FAM76A: variants seen among roughly 807,000 people sequenced by gnomAD.
FAM76A encodes the protein protein FAM76A.
Under a neutral mutation model 46.2 loss-of-function variants are expected in FAM76A, and 32 were observed. The observed-to-expected ratio is 0.69, with a 90% CI of 0.52 to 0.93. FAM76A has a LOEUF of 0.93. Ranked by LOEUF, FAM76A falls within the 40% of genes least tolerant of loss-of-function variation. The pLI is 0.00. For synonymous variants in FAM76A, 137 were observed against 127.0 expected (o/e 1.08, Z -0.53); for missense variants, 274 against 361.5 (o/e 0.76, Z 1.96).
intron 8 of FAM76A, 132 bp downstream of exon 8, chr1:27,759,759 C>T: frequency 1.6e-6 from 1 of 630,194 alleles, no homozygotes; most frequent in South Asian, 2.2e-5. Flanking sequence ...GTTAATCCCC[C>T]TTTTAGGTTT....
intron 4 of FAM76A, chr1:27,740,441 G>A (rs2088131987): frequency 6.8e-7 from 1 of 1,473,414 alleles, no homozygotes; most frequent in Non-Finnish European, 9.5e-7. Flanking sequence ...TGAGGACCCA[G>A]TTCCCATCTT....
intron 4 of FAM76A, among the ~76,000 whole-genome samples, chr1:27,744,317 C>T (rs550142100): frequency 1.3e-4 from 20 of 152,112 alleles, no homozygotes; most frequent in African/African-American, 1.9e-4. Flanking sequence ...TTAGTAGAGA[C>T]GGGGTTTCAC....
At chr1:27,739,978 T>C in intron 4 of FAM76A, 1 of 293,802 alleles carries the variant, frequency 3.4e-6, no homozygotes, top group Non-Finnish European at 6.7e-6. Flanking sequence ...CAAGATTGGC[T>C]CGCCCATCCT....
intron 6 of FAM76A, among the ~76,000 whole-genome samples, chr1:27,750,514 G>T (rs2088313902): frequency 6.6e-6 from 1 of 152,184 alleles, no homozygotes; most frequent in Non-Finnish European, 1.5e-5. Flanking sequence ...TTCAAGGAAT[G>T]AACTTTTTGA....
chr1:27,759,978 G>A (rs904529908), intron 8 of FAM76A: 4 of 458,132 alleles, frequency 8.7e-6, no homozygotes, highest in African/African-American at 8.0e-5. Context: ...TCGCTATATT[G>A]CCTGGGCTAG....
intron 4 of FAM76A, among the ~76,000 whole-genome samples, chr1:27,737,868 C>CAAAAAAAAAAAAAAAAAAAAAAAAAAG (rs71571865): frequency 1.6e-5 from 1 of 62,704 alleles, no homozygotes; most frequent in Non-Finnish European, 3.3e-5. Context: ...ACAACAACAA[C>CAAAAAAAAAAAAAAAAAAAAAAAAAAG]AAAAAAAAAA....
rs117500972 is a variant in FAM76A at position 27,726,932 on chromosome 1, C to T, written c.82-540C>T. ...GGCTGAAGAATAATGTTGAGGTTATCCAATAATCCAGTTTGTGTCTCTGAT... is the reference window on the plus strand; with the variant it reads ...GGCTGAAGAATAATGTTGAGGTTATTCAATAATCCAGTTTGTGTCTCTGAT... On this transcript the variant is annotated intron_variant, in intron 1 of 8. Transcript: ENST00000373954. 3.3e-5 allele frequency among the ~76,000 whole-genome samples: 5 copies of T among 152,234 alleles called. No individual in the cohort carries two copies. The East Asian group carries it at 7.7e-4, about 23-fold the overall frequency.
intron 4 of FAM76A, among the ~76,000 whole-genome samples, chr1:27,737,508 A>G (rs533879181): frequency 6.6e-6 from 1 of 152,132 alleles, no homozygotes; most frequent in South Asian, 2.1e-4. Flanking sequence ...TGAGGCCAGG[A>G]GTTCAAGACC....
intron 6 of FAM76A, among the ~76,000 whole-genome samples, chr1:27,751,527 C>G (rs2088332333): frequency 1.4e-5 from 2 of 145,294 alleles, no homozygotes; most frequent in African/African-American, 5.1e-5. Context: ...TTTTTTGAGA[C>G]AGGGTCTCAC....
intron 7 of FAM76A, among the ~76,000 whole-genome samples, chr1:27,758,473 C>T (rs1039902057): frequency 7.9e-5 from 12 of 152,100 alleles, no homozygotes; most frequent in African/African-American, 2.7e-4. Flanking sequence ...CTTGTTTCTA[C>T]TGCTTTGCAG....
At chr1:27,751,498 C>CTT (rs575176298) in intron 6 of FAM76A, among the ~76,000 whole-genome samples, 21 of 131,024 alleles carry the variant, frequency 1.6e-4, no homozygotes, top group Middle Eastern at 8.3e-3. Flanking sequence ...CTACCCATTT[C>CTT]TTTTTTTTTT....
At chr1:27,737,694 A>T (rs2148571449) in intron 4 of FAM76A, among the ~76,000 whole-genome samples, 1 of 152,150 alleles carries the variant, frequency 6.6e-6, no homozygotes, top group East Asian at 1.9e-4. Flanking sequence ...TCTACAAAAA[A>T]TACAAAAATT....
intron 2 of FAM76A, among the ~76,000 whole-genome samples, chr1:27,732,100 G>T (rs1170367949): frequency 6.6e-6 from 1 of 152,160 alleles, no homozygotes; most frequent in Non-Finnish European, 1.5e-5. Flanking sequence ...GGGATTATAG[G>T]CGTGAGCCAC....
chr1:27,740,410 T>C (rs993991729), intron 4 of FAM76A: 26 of 1,406,704 alleles, frequency 1.8e-5, no homozygotes, highest in Non-Finnish European at 2.5e-5. Flanking sequence ...ATGGATGATA[T>C]GGTGCCAAAC....
At position 27,760,565 on chromosome 1, in the gene FAM76A, C is replaced by G. The variant is rs201104084; in HGVS notation, c.908C>G (p.Ala303Gly). The change falls in exon 9 of 9, where the codon GCT becomes GGT. Residue 303 changes from alanine to glycine, a missense_variant. Ala to Gly is a moderately conservative substitution (Grantham distance 60). Transcript: ENST00000373954. The part of the protein sequence containing the change: ...SKSKKSEKSG[A>G]ITSP ...AGCAAGAAGTCAGAGAAGTCAGGAG[C>G]TATAACCTCTCCATGACAGACCTCA... 4.3e-6 allele frequency: 7 copies of G among 1,611,718 alleles called. No homozygotes were observed. In the East Asian group the frequency reaches 1.6e-4, roughly 36 times the overall value.
At chr1:27,726,314 G>A (rs937754243) in intron 1 of FAM76A, among the ~76,000 whole-genome samples, 153 bp downstream of exon 1, 1 of 152,070 alleles carries the variant, frequency 6.6e-6, no homozygotes, top group Non-Finnish European at 1.5e-5. Flanking sequence ...GGGGGCCGGC[G>A]GGGCACGTGC....
intron 6 of FAM76A, among the ~76,000 whole-genome samples, chr1:27,753,395 G>C (rs2088361975): frequency 1.3e-5 from 2 of 152,172 alleles, no homozygotes; most frequent in Admixed American, 6.5e-5. Flanking sequence ...GTTGAAGAAA[G>C]ACAGGTCCTT....
At chr1:27,735,076 C>T (rs997875548) in intron 4 of FAM76A, among the ~76,000 whole-genome samples, 5 of 152,234 alleles carry the variant, frequency 3.3e-5, no homozygotes, top group African/African-American at 1.2e-4. Context: ...CTTTCTACCT[C>T]TCACCTTGCT....
At chr1:27,731,485 C>T (rs930502272) in intron 2 of FAM76A, among the ~76,000 whole-genome samples, 3 of 152,058 alleles carry the variant, frequency 2.0e-5, no homozygotes, top group African/African-American at 7.2e-5. Context: ...GGATTACAGG[C>T]ATGAGCTACC....
Sources: allele counts gnomAD v4.1 joint callset (sites outside exome capture counted in the v4.1 genomes callset), GRCh38; gene constraint gnomAD v4.1.1; transcripts MANE v1.5; gene names NCBI Gene and HGNC (gene_info 2026-07-23, HGNC 2026-07-21).